Variants in GRM7 observed in about 807,000 individuals in gnomAD.
The protein encoded by GRM7 is metabotropic glutamate receptor 7.
GRM7 carries 35 observed loss-of-function variants against 84.5 expected under a neutral mutation model. That is an observed-to-expected ratio of 0.41 (90% CI 0.32 to 0.55). The LOEUF (loss-of-function observed/expected upper bound fraction) is 0.55. Ranked by LOEUF, GRM7 falls within the 20% of genes least tolerant of loss-of-function variation. GRM7 has a pLI of 0.19. For synonymous variants in GRM7, 487 were observed against 455.1 expected (o/e 1.07, Z -0.89); for missense variants, 1,003 against 1,194.6 (o/e 0.84, Z 2.36).
chr3:7,458,880 C>T (rs1028556930), intron 6 of GRM7, among the ~76,000 whole-genome samples: 1 of 152,196 alleles, frequency 6.6e-6, no homozygotes, highest in African/African-American at 2.4e-5. Context: ...TTCATGCAAA[C>T]TGACAGGATT....
intron 9 of GRM7, among the ~76,000 whole-genome samples, chr3:7,707,945 T>G (rs1054673686): frequency 4.6e-5 from 7 of 151,376 alleles, no homozygotes; most frequent in African/African-American, 1.7e-4. Flanking sequence ...TTTTTTTTTT[T>G]TTTTTTTTTA....
chr3:7,468,791 T>C (rs1164633732), intron 7 of GRM7, among the ~76,000 whole-genome samples: 2 of 152,158 alleles, frequency 1.3e-5, no homozygotes, highest in Non-Finnish European at 2.9e-5. Flanking sequence ...GTCTGGCATT[T>C]CCACTGCTTT....
intron 4 of GRM7, among the ~76,000 whole-genome samples, chr3:7,340,351 A>G (rs1701591974): frequency 6.6e-6 from 1 of 152,160 alleles, no homozygotes; most frequent in South Asian, 2.1e-4. Context: ...AGGCCTTAGG[A>G]AACTTACAAT....
intron 1 of GRM7, among the ~76,000 whole-genome samples, chr3:7,000,939 A>G (rs1266236610): frequency 6.6e-6 from 1 of 152,190 alleles, no homozygotes; most frequent in African/African-American, 2.4e-5. Context: ...ACATCAATGA[A>G]CAGAAAAAAC....
intron 7 of GRM7, among the ~76,000 whole-genome samples, chr3:7,462,352 T>C (rs529006698): frequency 3.3e-5 from 5 of 152,300 alleles, no homozygotes; most frequent in African/African-American, 7.2e-5. Context: ...CTCATCCACA[T>C]TGGGGAGGGC....
At chr3:6,913,265 G>T (rs138799154) in intron 1 of GRM7, among the ~76,000 whole-genome samples, 62 of 152,196 alleles carry the variant, frequency 4.1e-4, no homozygotes, top group African/African-American at 1.4e-3. Context: ...AGTGTAAATG[G>T]GTAGCTAGAT....
chr3:7,313,915 GGAGAGAGA>G (rs35959092), intron 4 of GRM7, among the ~76,000 whole-genome samples: 5 of 149,784 alleles, frequency 3.3e-5, no homozygotes, highest in Middle Eastern at 3.4e-3. Context: ...GTTGTAAAAT[GGAGAGAGA>G]GAGAGAGAGA....
At chr3:7,404,811 TAATG>T (rs1351176238) in intron 4 of GRM7, among the ~76,000 whole-genome samples, 1 of 151,892 alleles carries the variant, frequency 6.6e-6, no homozygotes, top group African/African-American at 2.4e-5. Context: ...AAAATAATAA[TAATG>T]CAAACAAGAT....
chr3:7,536,421 A>T (rs574518132), intron 7 of GRM7, among the ~76,000 whole-genome samples: 3 of 152,336 alleles, frequency 2.0e-5, no homozygotes, highest in African/African-American at 7.2e-5. Context: ...TTCTCATTAC[A>T]TAAGGACTAA....
chr3:7,379,215 G>A (rs1318428226), intron 4 of GRM7, among the ~76,000 whole-genome samples: 1 of 152,058 alleles, frequency 6.6e-6, no homozygotes, highest in African/African-American at 2.4e-5. Context: ...TGTAACTATA[G>A]GCACCTACGG....
In GRM7 at chr3:7,348,840, A is replaced by G. The variant is rs748885007; in HGVS notation, c.1033+42188A>G. Among the ~76,000 whole-genome samples, 10 of 152,272 alleles carry G rather than the reference A, an allele frequency of 6.6e-5. No homozygotes were observed. The South Asian group carries it at 1.7e-3, about 25-fold the overall frequency. On this transcript the variant is annotated intron_variant, in intron 4 of 9. Transcript: ENST00000357716. ...TGCACACTAAAGTTTAAGAGTTGCT[A>G]TGCTGTGGCCTCCTAGTTCCCTATA...
chr3:7,082,084 A>G (rs1698292214), intron 1 of GRM7, among the ~76,000 whole-genome samples: 1 of 152,126 alleles, frequency 6.6e-6, no homozygotes, highest in Non-Finnish European at 1.5e-5. Flanking sequence ...AAGGAAGATG[A>G]CGACACTAAA....
chr3:7,017,260 A>G (rs1344845489), intron 1 of GRM7, among the ~76,000 whole-genome samples: 1 of 152,116 alleles, frequency 6.6e-6, no homozygotes, highest in Non-Finnish European at 1.5e-5. Flanking sequence ...GACAATTTTC[A>G]ACAAAATTAA....
intron 2 of GRM7, among the ~76,000 whole-genome samples, chr3:7,153,654 A>T (rs897614228): frequency 6.6e-6 from 1 of 152,180 alleles, no homozygotes. Context: ...TGCTATAATT[A>T]ACTTTATAGG....
At chr3:7,536,668 C>T (rs566021493) in intron 7 of GRM7, among the ~76,000 whole-genome samples, 2 of 152,248 alleles carry the variant, frequency 1.3e-5, no homozygotes, top group African/African-American at 4.8e-5. Flanking sequence ...CAGCCAACTG[C>T]CATTGAGGAA....
At chr3:7,558,375 GT>G (rs5846524) in intron 7 of GRM7, among the ~76,000 whole-genome samples, 105,577 of 151,894 alleles carry the variant, frequency 0.7, 37,093 homozygotes, top group African/African-American at 0.77. Flanking sequence ...CTATGGCTAA[GT>G]TTTTAGTTCT....
intron 7 of GRM7, among the ~76,000 whole-genome samples, chr3:7,563,127 T>A (rs1156975320): frequency 6.6e-6 from 1 of 152,126 alleles, no homozygotes; most frequent in African/African-American, 2.4e-5. Flanking sequence ...AATTTGCAAG[T>A]TGTCTTGAGT....
At chr3:7,330,821 A>T (rs1397045919) in intron 4 of GRM7, among the ~76,000 whole-genome samples, 1 of 152,120 alleles carries the variant, frequency 6.6e-6, no homozygotes, top group Non-Finnish European at 1.5e-5. Context: ...CCCTTCCTCC[A>T]GGGCACCATG....
chr3:7,470,038 T>C (rs1413430183), intron 7 of GRM7, among the ~76,000 whole-genome samples: 3 of 152,178 alleles, frequency 2.0e-5, no homozygotes, highest in Admixed American at 2.0e-4. Context: ...AAAAGCTGGC[T>C]AAATCAAAGG....
Sources: gnomAD v4.1 joint callset for allele counts (sites outside exome capture counted in the v4.1 genomes callset) on GRCh38, gnomAD v4.1.1 for gene constraint, MANE v1.5 for transcripts, NCBI Gene and HGNC (gene_info 2026-07-23, HGNC 2026-07-21) for gene names.